PARVA: variants seen among roughly 807,000 people sequenced by gnomAD.
The protein encoded by PARVA is parvin alpha.
PARVA carries 25 observed loss-of-function variants against 52.6 expected under a neutral mutation model. The observed-to-expected ratio is 0.48, with a 90% confidence interval of 0.35 to 0.66. The LOEUF (loss-of-function observed/expected upper bound fraction) is 0.66, where lower values mean the gene tolerates loss of function less well. Among genes scored for constraint, PARVA ranks in the 30% least tolerant of loss-of-function variants. The probability of loss-of-function intolerance (pLI) is 0.01; values close to 1 mark genes in which losing one functional copy is unlikely to be tolerated. For missense variants in PARVA, 373 were observed against 450.9 expected (o/e 0.83, Z 1.56); for synonymous variants, 185 against 179.1 (o/e 1.03, Z -0.26).
At position 12,511,495 on chromosome 11, in the gene PARVA, C is replaced by G; in HGVS notation, c.717-19C>G. 6.2e-7 allele frequency: 1 copy of G among 1,611,642 alleles called. No individual in the cohort carries two copies. The highest frequency in any genetic ancestry group is 8.5e-7 in the Non-Finnish European group (1 of 1,178,742). ...GACAAGAGAAGAGTCACACTATTTT[C>G]TTTCTCTTTTTCCTCCAGGGCTCTT... On this transcript the variant is annotated intron_variant, in intron 7 of 12. Transcript: ENST00000334956.
chr11:12,400,356 A>G (rs1318442532), intron 1 of PARVA, among the ~76,000 whole-genome samples: 1 of 152,174 alleles, frequency 6.6e-6, no homozygotes, highest in Non-Finnish European at 1.5e-5. Flanking sequence ...TTTGCTTTAT[A>G]ATTAGTTGAG....
At chr11:12,383,468 A>G (rs1010918870) in intron 1 of PARVA, among the ~76,000 whole-genome samples, 1 of 152,226 alleles carries the variant, frequency 6.6e-6, no homozygotes, top group African/African-American at 2.4e-5. Flanking sequence ...TGAGGTATCC[A>G]ATGAAGGCTT....
In PARVA at chr11:12,503,062, C is replaced by A. The variant is rs1366124237; in HGVS notation, c.542-1252C>A. Among the ~76,000 whole-genome samples, 5 of 152,174 alleles carry A rather than the reference C, an allele frequency of 3.3e-5. No individual in the cohort carries two copies. The East Asian group carries it at 9.6e-4, about 29-fold the overall frequency. On this transcript the variant is annotated intron_variant, in intron 5 of 12. Coordinates refer to ENST00000334956, the MANE Select transcript of PARVA (RefSeq NM_018222.5). ...GTGAGAAAACTACAACCCAGTGTGA[C>A]CCTGCCTTCTCTGGTGTAAATGGCT...
chr11:12,409,140 T>C (rs1470094027), intron 1 of PARVA, among the ~76,000 whole-genome samples: 1 of 152,226 alleles, frequency 6.6e-6, no homozygotes, highest in Non-Finnish European at 1.5e-5. Context: ...TTTTAGCAAG[T>C]GAGTGACCAG....
chr11:12,413,616 T>A (rs1409240714), intron 1 of PARVA, among the ~76,000 whole-genome samples: 1 of 152,226 alleles, frequency 6.6e-6, no homozygotes, highest in African/African-American at 2.4e-5. Flanking sequence ...GACTCCTCCT[T>A]CCAAGGGTTT....
Position 12,527,711 on chromosome 11 carries a change from G to A in PARVA, c.1043-138G>A, listed in dbSNP as rs77009883. ...TCACTGCCCCCTGCTCTGAATTCTC[G>A]CTGCCCACTCTACCCATCTGCCCCG... On this transcript the variant is annotated intron_variant, in intron 12 of 12. Coordinates refer to ENST00000334956, the MANE Select transcript of PARVA (RefSeq NM_018222.5). 263 of 717,934 alleles carry A rather than the reference G, an allele frequency of 3.7e-4. 2 individuals are homozygous for A. In the African/African-American group the frequency reaches 4.0e-3, roughly 11 times the overall value. The allele number at this position is 717,934 out of a possible 1,614,324, so 44.5% of individuals were successfully genotyped here.
At chr11:12,513,603 A>G (rs1162836661) in intron 9 of PARVA, 6 of 657,672 alleles carry the variant, frequency 9.1e-6, no homozygotes, top group Admixed American at 4.2e-5. Flanking sequence ...AACCCCAGCA[A>G]TCTCAGCCTT....
In PARVA at chr11:12,529,529, G is replaced by A. The variant is rs886517262; in HGVS notation, c.*1604G>A. The A allele has an allele frequency of 2.0e-5, 3 of 152,136 alleles. No individual in the cohort carries two copies. The highest frequency in any genetic ancestry group is 4.4e-5 in the Non-Finnish European group (3 of 68,026). The allele number at this position is 152,136 out of a possible 1,614,324, so 9.4% of individuals were successfully genotyped here. ...ATATGCCAGGTAGACACCAGCCCAA[G>A]TACCCTCCTCCAGAAGTCTGTGACT... is the stretch of plus-strand genomic sequence containing the variant. On this transcript the variant is annotated 3_prime_UTR_variant, in exon 13 of 13. Transcript: ENST00000334956.
chr11:12,502,534 T>A (rs1941375543), intron 5 of PARVA, among the ~76,000 whole-genome samples: 1 of 151,910 alleles, frequency 6.6e-6, no homozygotes, highest in African/African-American at 2.4e-5. Flanking sequence ...GGAATAAAGC[T>A]GGCATGTTTT....
rs183022564 is a variant in PARVA, at chr11:12,452,128, A to G, written c.137-21617A>G. Among the ~76,000 whole-genome samples, 7 of 152,156 alleles carry G rather than the reference A, an allele frequency of 4.6e-5. No individual in the cohort carries two copies. The East Asian group carries it at 1.4e-3, about 30-fold the overall frequency. On this transcript the variant is annotated intron_variant, in intron 1 of 12. Transcript: ENST00000334956. ...TGAGCAATCCATTTAGCCCAGGGCC[A>G]GTGCTGCTCATCTCCCTGCCTTATA...
intron 12 of PARVA, among the ~76,000 whole-genome samples, chr11:12,523,620 G>T (rs764266817): frequency 6.6e-6 from 1 of 152,066 alleles, no homozygotes; most frequent in African/African-American, 2.4e-5. Context: ...AATACCTCTG[G>T]GGGGGAGGAG....
intron 3 of PARVA, among the ~76,000 whole-genome samples, chr11:12,476,753 A>G (rs995592540): frequency 2.6e-5 from 4 of 152,172 alleles, no homozygotes; most frequent in East Asian, 1.9e-4. Context: ...TACAGTAGGT[A>G]TTACAGTTGC....
At chr11:12,455,883 A>G (rs967942362) in intron 1 of PARVA, among the ~76,000 whole-genome samples, 1 of 151,846 alleles carries the variant, frequency 6.6e-6, no homozygotes, top group Non-Finnish European at 1.5e-5. Flanking sequence ...CAGCTTCCAG[A>G]CTCCATTAAC....
intron 5 of PARVA, among the ~76,000 whole-genome samples, chr11:12,497,034 C>T (rs1941308230): frequency 6.6e-6 from 1 of 152,128 alleles, no homozygotes; most frequent in African/African-American, 2.4e-5. Flanking sequence ...CCCTTCCAAT[C>T]CCCCTTCATT....
At chr11:12,414,645 T>TTC (rs1183669003) in intron 1 of PARVA, among the ~76,000 whole-genome samples, 2 of 151,980 alleles carry the variant, frequency 1.3e-5, no homozygotes, top group African/African-American at 4.8e-5. Flanking sequence ...TCATTTTTTT[T>TTC]TTTTTGTCTC....
chr11:12,475,265 A>C (rs1053316720), intron 3 of PARVA, among the ~76,000 whole-genome samples: 2 of 152,166 alleles, frequency 1.3e-5, no homozygotes, highest in African/African-American at 4.8e-5. Flanking sequence ...CCTCATCTGA[A>C]AGTCTCAGCA....
chr11:12,474,528 C>G (rs529617761), intron 3 of PARVA, among the ~76,000 whole-genome samples: 2 of 152,264 alleles, frequency 1.3e-5, no homozygotes, highest in South Asian at 4.1e-4. Context: ...TGTTCCTCCT[C>G]TTCAGCTTAA....
intron 4 of PARVA, among the ~76,000 whole-genome samples, chr11:12,493,975 G>A (rs1391513081): frequency 1.3e-5 from 2 of 152,222 alleles, no homozygotes; most frequent in Non-Finnish European, 2.9e-5. Context: ...ACTTCTGACC[G>A]ACTAGCTATA....
intron 1 of PARVA, among the ~76,000 whole-genome samples, chr11:12,406,661 GTTTTTTTTTTTTTTTTTTTT>G (rs571973101): frequency 1.3e-5 from 1 of 77,798 alleles, no homozygotes; most frequent in African/African-American, 5.4e-5. Flanking sequence ...GGTTGTATCT[GTTTTTTTTTTTTTTTTTTTT>G]TTTTTTTGAG....
Sources: gnomAD v4.1 joint callset for allele counts (sites outside exome capture counted in the v4.1 genomes callset) on GRCh38, gnomAD v4.1.1 for gene constraint, MANE v1.5 for transcripts, NCBI Gene and HGNC (gene_info 2026-07-23, HGNC 2026-07-21) for gene names.